Variants in MLLT6 observed in about 807,000 individuals in gnomAD.
The protein encoded by MLLT6 is MLLT6, PHD finger containing, also known as protein AF-17.
Under a neutral mutation model 103.0 loss-of-function variants are expected in MLLT6, and 22 were observed. The observed-to-expected ratio is 0.21, with a 90% CI of 0.15 to 0.31. MLLT6 has a LOEUF of 0.31. Among genes scored for constraint, MLLT6 ranks in the 10% least tolerant of loss-of-function variants. MLLT6 has a pLI of 1.00. For missense variants in MLLT6, 1,199 were observed against 1,441.7 expected, an observed-to-expected ratio of 0.83 and a Z score of 2.73; for synonymous variants, 606 against 623.5, an observed-to-expected ratio of 0.97 and a Z score of 0.42.
In MLLT6 at chr17:38,729,334, C is replaced by T. The variant is rs1219679262; in HGVS notation, c.*3736C>T. On this transcript the variant is annotated 3_prime_UTR_variant, in exon 20 of 20. Coordinates refer to ENST00000621332, the MANE Select transcript of MLLT6 (RefSeq NM_005937.4). ...AATTCCAAGGAAGGTGGGCAAGTAG[C>T]CTTGGCTCTCTCCCACCATGTCCAT... 4 of 233,218 alleles carry T rather than the reference C, an allele frequency of 1.7e-5. No homozygotes were observed. Among genetic ancestry groups the T allele is most frequent in the Admixed American group, 5.6e-5 (1 of 17,788 alleles). The allele number at this position is 233,218 out of a possible 1,614,324, so 14.4% of individuals were successfully genotyped here. A position where few individuals can be genotyped will look rare whatever the true frequency, so the allele number is the denominator to read the frequency against.
intron 18 of MLLT6, among the ~76,000 whole-genome samples, chr17:38,723,305 G>T (rs1905858529): frequency 6.6e-6 from 1 of 152,184 alleles, no homozygotes; most frequent in African/African-American, 2.4e-5. Context: ...TTTGAGATCA[G>T]CCTGGGCAAC....
rs557735582 is a variant in MLLT6, at chr17:38,723,290, A to G, written c.2883+522A>G. Among the ~76,000 whole-genome samples the G allele has an allele frequency of 1.2e-4, 19 of 152,320 alleles. No individual in the cohort carries two copies. In the South Asian group the frequency reaches 3.7e-3, roughly 30 times the overall value. ...TGAGGCAGGCAGATCGCTTGAGCTCAGGAGTTTGAGATCAGCCTGGGCAAC... is the reference window on the plus strand; with the variant it reads ...TGAGGCAGGCAGATCGCTTGAGCTCGGGAGTTTGAGATCAGCCTGGGCAAC... On this transcript the variant is annotated intron_variant, in intron 18 of 19. Transcript: ENST00000621332.
chr17:38,723,498 A>G (rs1345054388), intron 18 of MLLT6, among the ~76,000 whole-genome samples: 2 of 152,196 alleles, frequency 1.3e-5, no homozygotes, highest in Non-Finnish European at 2.9e-5. Flanking sequence ...TCTCAAAAAC[A>G]AAACAGGGAG....
chr17:38,722,061 G>C lies in MLLT6; in HGVS notation c.2626G>C (p.Gly876Arg). Residue 876 changes from glycine (G) to arginine (R), a missense_variant, in exon 17 of 20, where the codon GGG (glycine) becomes CGG (arginine). Transcript: ENST00000621332. ...CCGGGCACCCGGGGCAGCGGGGCTG[G>C]GGGCCATGCCCATGGCTGAGGGGCT... ...LGRAPGAAGLGAMPMAEGLLG... is the reference protein window; with the variant it reads ...LGRAPGAAGLRAMPMAEGLLG... 7.2e-7 allele frequency: 1 copy of C among 1,397,642 alleles called. No homozygotes were observed. Among genetic ancestry groups the C allele is most frequent in the East Asian group, 2.9e-5 (1 of 33,966 alleles). The allele number at this position is 1,397,642 out of a possible 1,614,324, so 86.6% of individuals were successfully genotyped here. A position where few individuals can be genotyped will look rare whatever the true frequency, so the allele number is the denominator to read the frequency against.
chr17:38,705,788 G>GAC (rs776765701), intron 1 of MLLT6, 47 bp downstream of exon 1: 1 of 929,920 alleles, frequency 1.1e-6, no homozygotes, highest in Admixed American at 4.5e-5. Context: ...GGGGCGGCGT[G>GAC]CGCGGGGCGC....
At position 38,705,710 on chromosome 17, in the gene MLLT6, T is replaced by A; in HGVS notation, c.78T>A (p.Asp26Glu). The change falls in exon 1 of 20, where the codon GAT becomes GAA. Residue 26 changes from aspartate to glutamate, a missense_variant. By Grantham distance (45) the Asp-to-Glu change is conservative. Coordinates refer to ENST00000621332, the MANE Select transcript of MLLT6 (RefSeq NM_005937.4). The stretch of plus-strand genomic sequence containing the variant: ...CCGAGAACCCGCTGGTCTACTGCGA[T>A]GGGCACGCGTGCAGCGTGGCCGTCC... ...GWAENPLVYC[D>E]GHACSVAVHQ... The A allele has an allele frequency of 6.4e-7, 1 of 1,551,832 alleles. No individual in the cohort carries two copies.
In MLLT6 at chr17:38,705,578, C is replaced by T; in HGVS notation, c.-55C>T. On this transcript the variant is annotated 5_prime_UTR_variant, in exon 1 of 20. Coordinates refer to ENST00000621332, the MANE Select transcript of MLLT6 (RefSeq NM_005937.4). ...CCCGCTCCCTCCCTCCCCCCTGACCCCCGACCCCCGCCGGCCGGCCCCCCG... is the reference window on the plus strand; with the variant it reads ...CCCGCTCCCTCCCTCCCCCCTGACCTCCGACCCCCGCCGGCCGGCCCCCCG... The T allele has an allele frequency of 1.3e-6, 1 of 760,700 alleles. No homozygotes were observed. The allele number at this position is 760,700 out of a possible 1,614,324, so 47.1% of individuals were successfully genotyped here.
Position 38,721,964 on chromosome 17 carries a change from C to T in MLLT6, c.2529C>T (p.Ser843=). 1 of 1,509,438 alleles carries T rather than the reference C, an allele frequency of 6.6e-7. No individual in the cohort carries two copies. The highest frequency in any genetic ancestry group is 8.8e-7 in the Non-Finnish European group (1 of 1,130,854). 93.5% of individuals were successfully genotyped at this position (1,509,438 alleles called of 1,614,324 possible). ...CACCGCTGCCCCTCCTCCAGCAGAGCCCTGCCACTCTGCCCCTGGCCCTGC... is the reference window on the plus strand; with the variant it reads ...CACCGCTGCCCCTCCTCCAGCAGAGTCCTGCCACTCTGCCCCTGGCCCTGC... ...TPPPLPLLQQ[S]PATLPLALPG... is the part of the protein sequence containing the mutation. Residue 843 remains serine (S), a synonymous_variant, in exon 17 of 20, where the codon AGC becomes AGT. Transcript: ENST00000621332.
At chr17:38,720,592 G>T in intron 15 of MLLT6, 23 bp downstream of exon 15, 2 of 1,612,700 alleles carry the variant, frequency 1.2e-6, no homozygotes, top group Non-Finnish European at 8.5e-7. Context: ...TGCCCAGCCC[G>T]GGAGAGAGGC....
chr17:38,720,546 G>A lies in MLLT6; in HGVS notation c.2330G>A (p.Gly777Glu), dbSNP rs781604300. The part of the protein sequence containing the change: ...ALPAANGPVP[G>E]PYGLPPQAGS... ...CCTGCCGCCAACGGCCCTGTCCCTG[G>A]GCCCTATGGCCTGCCTCCCCAAGGT... The change falls in exon 15 of 20, where the codon GGG becomes GAG. Residue 777 changes from glycine to glutamate, a missense_variant. Gly to Glu is a moderately conservative substitution (Grantham distance 98, BLOSUM62 -2). This residue lies in a region of MLLT6 where 1,034 missense variants were observed against 1,091.5 expected (regional missense o/e 0.95). Transcript: ENST00000621332. 1 of 1,612,190 alleles carries A rather than the reference G, an allele frequency of 6.2e-7. No individual in the cohort carries two copies. Among genetic ancestry groups the A allele is most frequent in the East Asian group, 2.2e-5 (1 of 44,810 alleles).
At position 38,719,299 on chromosome 17, in the gene MLLT6, C is replaced by T; in HGVS notation, c.1943-218C>T. ...GAAGCCAGACAGTGGAGCCTTCAGC[C>T]CAGAGGAGGAAGAGAGCAGATGCCC... On this transcript the variant is annotated intron_variant, in intron 12 of 19. Coordinates refer to ENST00000621332, the MANE Select transcript of MLLT6 (RefSeq NM_005937.4). 1.0e-5 allele frequency: 6 copies of T among 575,406 alleles called. No individual in the cohort carries two copies. The South Asian group carries it at 1.3e-4, about 12-fold the overall frequency. 35.6% of individuals were successfully genotyped at this position (575,406 alleles called of 1,614,324 possible).
rs928305263 is a variant in MLLT6 at position 38,719,170 on chromosome 17, C to A, written c.1943-347C>A. 14 of 364,470 alleles carry A rather than the reference C, an allele frequency of 3.8e-5. No individual in the cohort carries two copies. In the Admixed American group the frequency reaches 4.7e-4, roughly 12 times the overall value. The allele number at this position is 364,470 out of a possible 1,614,324, so 22.6% of individuals were successfully genotyped here. On this transcript the variant is annotated intron_variant, in intron 12 of 19. Coordinates refer to ENST00000621332, the MANE Select transcript of MLLT6 (RefSeq NM_005937.4). ...GAGAGGCTGGTTAGGAGCCCAAGGT[C>A]ACAAAAGTTGATGTCAGGTTTAAGT...
intron 14 of MLLT6, 155 bp from the exon 15 acceptor site, chr17:38,720,217 C>T: frequency 2.5e-6 from 2 of 787,250 alleles, no homozygotes; most frequent in Non-Finnish European, 4.0e-6. Flanking sequence ...TCCCCAAGTC[C>T]CGCCTCTCTT....
At position 38,705,447 on chromosome 17, in the gene MLLT6, C is replaced by CGAGGAG. The variant is rs994721537; in HGVS notation, c.-171_-166dup. On this transcript the variant is annotated 5_prime_UTR_variant, in exon 1 of 20. Coordinates refer to ENST00000621332, the MANE Select transcript of MLLT6 (RefSeq NM_005937.4). Reference sequence around the variant, plus strand: ...GGGGGGGGCGGCCAGACAGAGCGAGCGAGGAGGAGGAGGAGGAGGACGCGG... The same window carrying CGAGGAG: ...GGGGGGGGCGGCCAGACAGAGCGAGCGAGGAGGAGGAGGAGGAGGAGGAGGACGCGG... 7.3e-6 allele frequency: 3 copies of CGAGGAG among 412,926 alleles called. No homozygotes were observed. The highest frequency in any genetic ancestry group is 8.3e-5 in the East Asian group (2 of 24,076). The allele number at this position is 412,926 out of a possible 1,614,324, so 25.6% of individuals were successfully genotyped here. A position where few individuals can be genotyped will look rare whatever the true frequency, so the allele number is the denominator to read the frequency against.
intron 10 of MLLT6, 150 bp downstream of exon 10, chr17:38,717,131 C>A: frequency 8.3e-7 from 1 of 1,203,726 alleles, no homozygotes; most frequent in Non-Finnish European, 1.1e-6. Context: ...ACATCCCCCT[C>A]TGCATGCGTG....
Position 38,728,998 on chromosome 17 carries a change from C to A in MLLT6, c.*3400C>A. 1 of 232,446 alleles carries A rather than the reference C, an allele frequency of 4.3e-6. No individual in the cohort carries two copies. The highest frequency in any genetic ancestry group is 8.5e-6 in the Non-Finnish European group (1 of 118,084). 14.4% of individuals were successfully genotyped at this position (232,446 alleles called of 1,614,324 possible). A position where few individuals can be genotyped will look rare whatever the true frequency, so the allele number is the denominator to read the frequency against. ...CCTGACCTTGAGGCTGATGAGGGGA[C>A]CCCTGCCTGTTTCCCCCATACTGAG... On this transcript the variant is annotated 3_prime_UTR_variant, in exon 20 of 20. Transcript: ENST00000621332.
At chr17:38,720,312 G>GCCCCCCCCCCCCCCCCCCCCCCC in intron 14 of MLLT6, 60 bp from the exon 15 acceptor site, 1 of 445,632 alleles carries the variant, frequency 2.2e-6, no homozygotes, top group Non-Finnish European at 4.2e-6. Context: ...CCCGCCCCCG[G>GCCCCCCCCCCCCCCCCCCCCCCC]TCCCCTGGCC....
chr17:38,711,830 T>A lies in MLLT6; in HGVS notation c.553-17T>A, dbSNP rs190764015. On this transcript the variant is annotated splice_polypyrimidine_tract_variant and intron_variant, in intron 6 of 19. Coordinates refer to ENST00000621332, the MANE Select transcript of MLLT6 (RefSeq NM_005937.4). ...GTGAGAAGAGGGTTTGCAATTTCTC[T>A]CAAATCTCTCCCGCAGAAGACATCC... 330 of 1,510,260 alleles carry A rather than the reference T, an allele frequency of 2.2e-4. 1 individual carries two copies. The African/African-American group carries it at 4.1e-3, about 19-fold the overall frequency. The allele number at this position is 1,510,260 out of a possible 1,614,324, so 93.6% of individuals were successfully genotyped here. A position where few individuals can be genotyped will look rare whatever the true frequency, so the allele number is the denominator to read the frequency against.
chr17:38,722,303 A>C, intron 17 of MLLT6, 76 bp downstream of exon 17: 1 of 1,135,064 alleles, frequency 8.8e-7, no homozygotes, highest in Non-Finnish European at 1.2e-6. Flanking sequence ...TTTCCCCAAA[A>C]CACCCACAAT....
Sources: gnomAD v4.1 joint callset for allele counts (sites outside exome capture counted in the v4.1 genomes callset) on GRCh38, gnomAD v4.1.1 for gene constraint, gnomAD v4.1.1 regional missense constraint, MANE v1.5 for transcripts, NCBI Gene and HGNC (gene_info 2026-07-23, HGNC 2026-07-21) for gene names.